The following PNPLA8 variants were observed in gnomAD, a reference collection of about 807,000 sequenced individuals.
The protein encoded by PNPLA8 is patatin like domain 8, phospholipase A2.
A neutral mutation model predicts 76.9 loss-of-function variants in PNPLA8; 39 were observed. The ratio of observed to expected loss-of-function variants is 0.51; its 90% CI spans 0.39 to 0.66. The LOEUF (loss-of-function observed/expected upper bound fraction) is 0.66, where lower values mean the gene tolerates loss of function less well. Ranked by LOEUF, PNPLA8 falls within the 30% of genes least tolerant of loss-of-function variation. The probability of loss-of-function intolerance (pLI) is 0.00; values close to 1 mark genes in which losing one functional copy is unlikely to be tolerated. For synonymous variants in PNPLA8, 301 were observed against 307.9 expected (o/e 0.98, Z 0.24); for missense variants, 887 against 918.0 (o/e 0.97, Z 0.44).
At chr7:108,518,399 A>G (rs2154516991) in intron 2 of PNPLA8, 1 of 152,242 alleles carries the variant, frequency 6.6e-6, no homozygotes, top group South Asian at 2.1e-4. Flanking sequence ...TGCCCTAAAA[A>G]TCCTCTGTAT....
Position 108,491,481 on chromosome 7 carries a change from GA to G in PNPLA8, c.1626-15del, listed in dbSNP as rs3214243. 149,295 of 1,534,196 alleles carry G rather than the reference GA, an allele frequency of 0.097. 7,941 individuals carry two copies. The highest frequency in any genetic ancestry group is 0.098 in the Middle Eastern group (578 of 5,926). On this transcript the variant is annotated splice_polypyrimidine_tract_variant and intron_variant, in intron 7 of 10. Transcript: ENST00000257694. ...CCCATCCTATCCCTTTATTAAAGGAGAAAAAAATAAGTTATATCAAAATGAC... is the reference window on the plus strand; with the variant it reads ...CCCATCCTATCCCTTTATTAAAGGAGAAAAAATAAGTTATATCAAAATGAC...
intron 10 of PNPLA8, among the ~76,000 whole-genome samples, chr7:108,477,558 T>A (rs1303171315): frequency 1.3e-5 from 2 of 152,128 alleles, no homozygotes; most frequent in East Asian, 3.9e-4. Flanking sequence ...AATAGTAAAA[T>A]GAGGAAATCT....
At chr7:108,523,480 T>A (rs1030223554) in intron 1 of PNPLA8, among the ~76,000 whole-genome samples, 5 of 151,676 alleles carry the variant, frequency 3.3e-5, no homozygotes, top group African/African-American at 7.3e-5. Flanking sequence ...ATGTCCAGAA[T>A]GTATGCATGT....
chr7:108,499,624 A>C (rs1218440707), intron 5 of PNPLA8, among the ~76,000 whole-genome samples: 1 of 152,206 alleles, frequency 6.6e-6, no homozygotes, highest in Non-Finnish European at 1.5e-5. Flanking sequence ...TGTCCTCTTC[A>C]AACTAGATGC....
At chr7:108,491,001 A>T (rs1010902318) in intron 8 of PNPLA8, among the ~76,000 whole-genome samples, 1 of 152,146 alleles carries the variant, frequency 6.6e-6, no homozygotes, top group Non-Finnish European at 1.5e-5. Context: ...AATCTGTAAT[A>T]CCTTAATAAA....
At chr7:108,494,960 CT>C (rs1272796547) in intron 7 of PNPLA8, among the ~76,000 whole-genome samples, 2 of 152,104 alleles carry the variant, frequency 1.3e-5, no homozygotes, top group Non-Finnish European at 2.9e-5. Context: ...AAACCAAAAC[CT>C]TTTTTTAAGT....
intron 9 of PNPLA8, 63 bp from the exon 10 acceptor site, chr7:108,479,442 G>T: frequency 2.8e-6 from 3 of 1,090,218 alleles, no homozygotes; most frequent in Non-Finnish European, 2.7e-6. Context: ...GCTGAACTAT[G>T]TAATAAGCTA....
In PNPLA8 at chr7:108,515,182, TACGG is replaced by T; in HGVS notation, c.306_309del (p.Arg103LeufsTer5). On this transcript the variant is annotated frameshift_variant, in exon 3 of 11. Coordinates refer to ENST00000257694, the MANE Select transcript of PNPLA8 (RefSeq NM_001256007.3). LOFTEE classifies it high-confidence loss of function. ...GAAACAGAGTTCAAAGTACTTTTAA[TACGG>T]GACATACAAATGTTCACTTTTGTAA... 6.2e-7 allele frequency: 1 copy of T among 1,606,558 alleles called. No individual in the cohort carries two copies. Among genetic ancestry groups the T allele is most frequent in the Non-Finnish European group, 8.5e-7 (1 of 1,175,188 alleles).
At chr7:108,510,483 C>A in intron 4 of PNPLA8, 1 of 1,414,236 alleles carries the variant, frequency 7.1e-7, no homozygotes, top group Non-Finnish European at 9.9e-7. Flanking sequence ...TTTGTACCTG[C>A]AGAACCCAAA....
intron 9 of PNPLA8, among the ~76,000 whole-genome samples, chr7:108,487,459 T>C (rs1300030413): frequency 6.6e-6 from 1 of 152,192 alleles, no homozygotes; most frequent in Non-Finnish European, 1.5e-5. Flanking sequence ...TTTTTACTTT[T>C]TATCATGTTT....
chr7:108,516,334 T>C (rs898376368), intron 2 of PNPLA8, among the ~76,000 whole-genome samples: 3 of 152,178 alleles, frequency 2.0e-5, no homozygotes, highest in African/African-American at 7.2e-5. Flanking sequence ...TAATTGATCT[T>C]TGACAAAAGA....
intron 9 of PNPLA8, among the ~76,000 whole-genome samples, chr7:108,482,606 C>A (rs953954313): frequency 4.6e-5 from 7 of 152,326 alleles, no homozygotes; most frequent in Admixed American, 3.9e-4. Context: ...TTATGGATCA[C>A]TTCAGGAATA....
chr7:108,525,687 G>GAAC, intron 1 of PNPLA8, among the ~76,000 whole-genome samples: 1 of 152,374 alleles, frequency 6.6e-6, no homozygotes, highest in South Asian at 2.1e-4. Flanking sequence ...AACTACTGGA[G>GAAC]AACACTACAG....
chr7:108,481,792 T>A (rs574781340), intron 9 of PNPLA8, among the ~76,000 whole-genome samples: 1 of 152,208 alleles, frequency 6.6e-6, no homozygotes, highest in Non-Finnish European at 1.5e-5. Flanking sequence ...AAAAGTTTCA[T>A]AGTTTTGTTT....
intron 1 of PNPLA8, among the ~76,000 whole-genome samples, chr7:108,523,833 G>A (rs1863906844): frequency 6.6e-6 from 1 of 152,170 alleles, no homozygotes; most frequent in African/African-American, 2.4e-5. Flanking sequence ...GTGTGGGGAA[G>A]AGGGCCACTC....
intron 5 of PNPLA8, among the ~76,000 whole-genome samples, chr7:108,500,288 C>G (rs562494020): frequency 6.6e-5 from 10 of 152,128 alleles, no homozygotes; most frequent in Non-Finnish European, 1.2e-4. Flanking sequence ...CTATTTTTCA[C>G]CATTTGGAAC....
At chr7:108,498,109 A>G (rs1861680751) in intron 5 of PNPLA8, among the ~76,000 whole-genome samples, 1 of 149,040 alleles carries the variant, frequency 6.7e-6, no homozygotes, top group Non-Finnish European at 1.5e-5. Context: ...ATGCCAATAT[A>G]AAATTGAAAA....
intron 9 of PNPLA8, among the ~76,000 whole-genome samples, chr7:108,486,877 C>T (rs913342999): frequency 9.9e-5 from 15 of 151,930 alleles, no homozygotes; most frequent in African/African-American, 2.4e-4. Flanking sequence ...AGAGAGTAGA[C>T]GTACTTTAGG....
chr7:108,475,820 C>T (rs1409048668), intron 10 of PNPLA8, among the ~76,000 whole-genome samples: 2 of 152,194 alleles, frequency 1.3e-5, no homozygotes, highest in African/African-American at 4.8e-5. Flanking sequence ...TCAGAGATCG[C>T]TGTCCTATGT....
Sources: allele counts gnomAD v4.1 joint callset (sites outside exome capture counted in the v4.1 genomes callset), GRCh38; gene constraint gnomAD v4.1.1; transcripts MANE v1.5; gene names NCBI Gene and HGNC (gene_info 2026-07-23, HGNC 2026-07-21).